UTRN: variants seen among roughly 807,000 people sequenced by gnomAD.
UTRN encodes the protein utrophin, also known as dystrophin-related protein 1.
In UTRN, 283 loss-of-function variants were observed where a neutral mutation model predicts 463.9. The ratio of observed to expected loss-of-function variants is 0.61; its 90% CI spans 0.55 to 0.67. The LOEUF is 0.67. Among genes scored for constraint, UTRN ranks in the 30% least tolerant of loss-of-function variants. The pLI, the probability that UTRN is intolerant of heterozygous loss-of-function variation, is 0.00. For synonymous variants in UTRN, 1,442 were observed against 1,431.5 expected, an observed-to-expected ratio of 1.01 and a Z score of -0.17; for missense variants, 3,922 against 4,084.3, an observed-to-expected ratio of 0.96 and a Z score of 1.08.
intron 23 of UTRN, among the ~76,000 whole-genome samples, chr6:144,468,100 G>A (rs998282285): frequency 2.6e-5 from 4 of 151,878 alleles, no homozygotes; most frequent in Non-Finnish European, 5.9e-5. Context: ...AAAAGAAAAT[G>A]CCAAGAATTT....
chr6:144,691,811 A>G (rs1261345391), intron 52 of UTRN, among the ~76,000 whole-genome samples: 2 of 152,154 alleles, frequency 1.3e-5, no homozygotes, highest in Non-Finnish European at 2.9e-5. Context: ...GTGATTTGCA[A>G]TGATTTTCTA....
At chr6:144,667,954 G>C (rs746160444) in intron 51 of UTRN, among the ~76,000 whole-genome samples, 5 of 152,096 alleles carry the variant, frequency 3.3e-5, no homozygotes, top group Non-Finnish European at 7.3e-5. Flanking sequence ...TTTATTCAGC[G>C]GTTAGGCCTA....
chr6:144,674,331 GT>G (rs796326464), intron 51 of UTRN, among the ~76,000 whole-genome samples: 94 of 141,262 alleles, frequency 6.7e-4, no homozygotes, highest in African/African-American at 2.1e-3. Context: ...CTTGGAGGCT[GT>G]TTTTTTTTTA....
intron 7 of UTRN, among the ~76,000 whole-genome samples, chr6:144,426,676 A>G (rs911752285): frequency 1.3e-5 from 2 of 152,248 alleles, no homozygotes; most frequent in African/African-American, 2.4e-5. Context: ...TACAAGGTCC[A>G]TAGTTTCTCC....
chr6:144,684,579 T>A (rs1782554434), intron 52 of UTRN, among the ~76,000 whole-genome samples: 1 of 152,178 alleles, frequency 6.6e-6, no homozygotes, highest in Non-Finnish European at 1.5e-5. Flanking sequence ...GGGCAGACTG[T>A]TTTCCAGAGT....
At chr6:144,745,984 A>G (rs767562936) in intron 54 of UTRN, among the ~76,000 whole-genome samples, 3 of 149,974 alleles carry the variant, frequency 2.0e-5, no homozygotes, top group African/African-American at 7.3e-5. Flanking sequence ...AGTATTATAT[A>G]TTCATCATTT....
intron 51 of UTRN, among the ~76,000 whole-genome samples, chr6:144,619,172 A>G (rs1181787100): frequency 6.6e-6 from 1 of 152,182 alleles, no homozygotes; most frequent in Non-Finnish European, 1.5e-5. Flanking sequence ...GTGATTAAAT[A>G]AGCACAACAA....
chr6:144,551,701 C>T (rs942891277), intron 48 of UTRN, among the ~76,000 whole-genome samples: 5 of 152,190 alleles, frequency 3.3e-5, no homozygotes, highest in African/African-American at 4.8e-5. Flanking sequence ...CAATAGCAAA[C>T]GAAGTCTAAA....
chr6:144,403,320 G>A (rs374157349), intron 3 of UTRN, 136 bp downstream of exon 3: 1 of 736,562 alleles, frequency 1.4e-6, no homozygotes. Flanking sequence ...TACATTTGTT[G>A]TTCCTTTATT....
chr6:144,584,689 C>T (rs115563543), intron 51 of UTRN, among the ~76,000 whole-genome samples: 5,503 of 150,642 alleles, frequency 0.037, 256 homozygotes, highest in African/African-American at 0.11. Flanking sequence ...TTTTTTTTTC[C>T]GGAAGTTTTG....
chr6:144,824,597 TATATATATATA>T (rs1562954914), intron 66 of UTRN, among the ~76,000 whole-genome samples: 7 of 61,494 alleles, frequency 1.1e-4, no homozygotes, highest in East Asian at 7.6e-4. Context: ...TATATATATA[TATATATATATA>T]TATATCTTTT....
intron 51 of UTRN, among the ~76,000 whole-genome samples, chr6:144,632,652 C>G (rs1325806885): frequency 6.6e-6 from 1 of 151,974 alleles, no homozygotes; most frequent in East Asian, 1.9e-4. Context: ...AAGAGCATAC[C>G]CGTGATTTGT....
intron 53 of UTRN, 32 bp downstream of exon 53, chr6:144,700,275 T>C: frequency 1.3e-6 from 2 of 1,571,880 alleles, no homozygotes; most frequent in Non-Finnish European, 1.7e-6. Flanking sequence ...AGTCGCTTAA[T>C]TCAAATTCTA....
intron 52 of UTRN, among the ~76,000 whole-genome samples, chr6:144,694,080 T>C (rs1783715126): frequency 6.6e-6 from 1 of 152,016 alleles, no homozygotes. Context: ...ATCTAGTTCG[T>C]TGAGAATTTT....
At chr6:144,493,266 T>G (rs776584593) in intron 32 of UTRN, 35 bp from the exon 33 acceptor site, 40 of 1,608,438 alleles carry the variant, frequency 2.5e-5, no homozygotes, top group Non-Finnish European at 3.3e-5. Context: ...GTCACCACAG[T>G]GTGTAATTTG....
chr6:144,494,996 A>G (rs1394909051), intron 33 of UTRN, among the ~76,000 whole-genome samples: 1 of 152,218 alleles, frequency 6.6e-6, no homozygotes, highest in African/African-American at 2.4e-5. Context: ...TGAGCTAGAT[A>G]CAGAGTGCCG....
intron 61 of UTRN, among the ~76,000 whole-genome samples, chr6:144,788,545 G>A (rs1399242989): frequency 2.0e-5 from 3 of 150,596 alleles, no homozygotes; most frequent in South Asian, 2.1e-4. Flanking sequence ...AATTATTAAC[G>A]TATAGGTTTA....
intron 51 of UTRN, among the ~76,000 whole-genome samples, chr6:144,595,122 A>C (rs937593269): frequency 1.5e-4 from 23 of 152,152 alleles, no homozygotes; most frequent in African/African-American, 5.6e-4. Context: ...TTGATTCCTT[A>C]CTTGTTTGAT....
At chr6:144,530,499 C>T (rs1392897888) in intron 41 of UTRN, among the ~76,000 whole-genome samples, 1 of 152,114 alleles carries the variant, frequency 6.6e-6, no homozygotes, top group African/African-American at 2.4e-5. Context: ...GGTATACGGG[C>T]ATTTTGAAGT....
Sources: allele counts gnomAD v4.1 joint callset (sites outside exome capture counted in the v4.1 genomes callset), GRCh38; gene constraint gnomAD v4.1.1; transcripts MANE v1.5; gene names NCBI Gene and HGNC (gene_info 2026-07-23, HGNC 2026-07-21).